KIAA0825: variants seen among roughly 807,000 people sequenced by gnomAD.
KIAA0825 encodes KIAA0825.
Under a neutral mutation model 147.6 loss-of-function variants are expected in KIAA0825, and 119 were observed. The ratio of observed to expected loss-of-function variants is 0.81; its 90% CI spans 0.69 to 0.94. The LOEUF (loss-of-function observed/expected upper bound fraction) is 0.94, where lower values mean the gene tolerates loss of function less well. Among genes scored for constraint, KIAA0825 ranks in the 40% least tolerant of loss-of-function variants. The probability of loss-of-function intolerance (pLI) is 0.00; values close to 1 mark genes in which losing one functional copy is unlikely to be tolerated. For synonymous variants in KIAA0825, 470 were observed against 518.1 expected (o/e 0.91, Z 1.26); for missense variants, 1,381 against 1,472.7 (o/e 0.94, Z 1.02).
At chr5:94,607,128 C>T (rs1313257975) in intron 1 of KIAA0825, among the ~76,000 whole-genome samples, 2 of 151,956 alleles carry the variant, frequency 1.3e-5, no homozygotes, top group Non-Finnish European at 2.9e-5. Flanking sequence ...CTTTTATATC[C>T]CATTTCCCAG....
intron 20 of KIAA0825, among the ~76,000 whole-genome samples, chr5:94,346,942 C>T (rs1000961261): frequency 6.6e-6 from 1 of 152,058 alleles, no homozygotes; most frequent in Non-Finnish European, 1.5e-5. Context: ...ATGACTCTGC[C>T]TGGAAAAGGT....
At chr5:94,401,243 C>CT (rs35458877) in intron 16 of KIAA0825, among the ~76,000 whole-genome samples, 36,075 of 144,262 alleles carry the variant, frequency 0.25, 4,718 homozygotes, top group Middle Eastern at 0.33. Flanking sequence ...CCCCACAATT[C>CT]TTTTTTTTTT....
At chr5:94,261,502 C>T (rs1241874655) in intron 20 of KIAA0825, among the ~76,000 whole-genome samples, 7 of 151,562 alleles carry the variant, frequency 4.6e-5, no homozygotes, top group South Asian at 2.1e-4. Flanking sequence ...TGAGAAAGGC[C>T]GACCTTAAAT....
At chr5:94,206,001 T>C (rs550754584) in intron 20 of KIAA0825, among the ~76,000 whole-genome samples, 3 of 152,348 alleles carry the variant, frequency 2.0e-5, no homozygotes, top group South Asian at 2.1e-4. Context: ...TTCCGTTATT[T>C]TCTTCAGAAA....
At chr5:94,380,526 C>A (rs957157811) in intron 20 of KIAA0825, among the ~76,000 whole-genome samples, 1 of 152,168 alleles carries the variant, frequency 6.6e-6, no homozygotes, top group Non-Finnish European at 1.5e-5. Flanking sequence ...TTACATTCTA[C>A]CACAGAGGGT....
intron 2 of KIAA0825, among the ~76,000 whole-genome samples, chr5:94,555,997 G>A (rs1295252020): frequency 6.6e-6 from 1 of 151,840 alleles, no homozygotes; most frequent in East Asian, 1.9e-4. Context: ...TTAAAAGGCA[G>A]TTTTGTATTA....
chr5:94,591,503 C>T (rs1784356396), intron 1 of KIAA0825, among the ~76,000 whole-genome samples: 1 of 152,180 alleles, frequency 6.6e-6, no homozygotes. Context: ...AAAAGCCTGC[C>T]TCATTCTGGT....
chr5:94,441,720 C>T (rs1024088951), intron 13 of KIAA0825, among the ~76,000 whole-genome samples: 1 of 152,174 alleles, frequency 6.6e-6, no homozygotes, highest in South Asian at 2.1e-4. Context: ...CTTAGACTTT[C>T]AGCCTCCAGA....
At chr5:94,362,425 C>T (rs537065466) in intron 20 of KIAA0825, among the ~76,000 whole-genome samples, 42 of 152,314 alleles carry the variant, frequency 2.8e-4, no homozygotes, top group Admixed American at 2.5e-3. Flanking sequence ...GAAACCATCA[C>T]TCTAGCCAAT....
chr5:94,260,713 C>T (rs1302444092), intron 20 of KIAA0825, among the ~76,000 whole-genome samples: 1 of 152,112 alleles, frequency 6.6e-6, no homozygotes, highest in East Asian at 1.9e-4. Flanking sequence ...CACATTAGTA[C>T]TATATCTGCC....
At chr5:94,473,232 T>G in intron 8 of KIAA0825, 60 bp downstream of exon 8, 1 of 1,361,472 alleles carries the variant, frequency 7.3e-7, no homozygotes, top group Non-Finnish European at 1.0e-6. Flanking sequence ...TTGCAATGCC[T>G]TATACTAAAA....
chr5:94,563,676 C>CT (rs954227476), intron 2 of KIAA0825, among the ~76,000 whole-genome samples: 1 of 151,772 alleles, frequency 6.6e-6, no homozygotes, highest in African/African-American at 2.4e-5. Flanking sequence ...TGAGCATTGC[C>CT]TTTTTTAAAT....
At chr5:94,497,466 T>C (rs1467350517) in intron 5 of KIAA0825, among the ~76,000 whole-genome samples, 1 of 152,058 alleles carries the variant, frequency 6.6e-6, no homozygotes, top group Non-Finnish European at 1.5e-5. Flanking sequence ...TTAGCATAAA[T>C]AGGTGGAAAG....
At position 94,484,828 on chromosome 5, in the gene KIAA0825, C is replaced by T. The variant is rs761342402; in HGVS notation, c.1073G>A (p.Gly358Asp). The T allele has an allele frequency of 2.0e-6, 3 of 1,530,474 alleles. No individual in the cohort carries two copies. The highest frequency in any genetic ancestry group is 2.6e-6 in the Non-Finnish European group (3 of 1,132,600). 94.8% of individuals were successfully genotyped at this position (1,530,474 alleles called of 1,614,324 possible). The change falls in exon 6 of 21, where the codon GGT becomes GAT. Residue 358 changes from glycine to aspartate, a missense_variant. Gly to Asp is a moderately conservative substitution (Grantham distance 94). Coordinates refer to ENST00000682413, the MANE Select transcript of KIAA0825 (RefSeq NM_001145678.3). ...LIKSFMKLEK[G>D]VQELFDEILL... ...TATTTCGTCAAACAATTCTTGAACACCTTTTTCCAGTTTCATAAAGGATTT... is the reference window on the plus strand; with the variant it reads ...TATTTCGTCAAACAATTCTTGAACATCTTTTTCCAGTTTCATAAAGGATTT...
chr5:94,497,561 A>G (rs75020931), intron 5 of KIAA0825, among the ~76,000 whole-genome samples: 2,058 of 152,316 alleles, frequency 0.014, 55 homozygotes, highest in African/African-American at 0.046. Flanking sequence ...ACAGAGCCCC[A>G]AAGTAAAACA....
intron 12 of KIAA0825, among the ~76,000 whole-genome samples, chr5:94,453,466 C>T (rs749365876): frequency 2.6e-5 from 4 of 151,536 alleles, no homozygotes; most frequent in Non-Finnish European, 5.9e-5. Flanking sequence ...GGATTACAGG[C>T]GTGAGCCACT....
chr5:94,417,449 G>T, intron 14 of KIAA0825, 84 bp from the exon 15 acceptor site: 2 of 1,028,006 alleles, frequency 1.9e-6, no homozygotes, highest in Non-Finnish European at 2.7e-6. Flanking sequence ...ATGTACACTA[G>T]CATAATGCTG....
At chr5:94,334,737 GC>G (rs1781631928) in intron 20 of KIAA0825, among the ~76,000 whole-genome samples, 1 of 152,214 alleles carries the variant, frequency 6.6e-6, no homozygotes, top group East Asian at 1.9e-4. Context: ...GCCCACCTCA[GC>G]CTCCCAAACT....
At chr5:94,283,988 T>A (rs1408549987) in intron 20 of KIAA0825, among the ~76,000 whole-genome samples, 1 of 152,164 alleles carries the variant, frequency 6.6e-6, no homozygotes, top group Non-Finnish European at 1.5e-5. Flanking sequence ...GAAGAAGTGA[T>A]CATTTGTCAA....
Sources: allele counts gnomAD v4.1 joint callset (sites outside exome capture counted in the v4.1 genomes callset), GRCh38; gene constraint gnomAD v4.1.1; transcripts MANE v1.5; gene names NCBI Gene and HGNC (gene_info 2026-07-23, HGNC 2026-07-21).